KDM4A: variants seen among roughly 807,000 people sequenced by gnomAD.
KDM4A encodes lysine-specific demethylase 4A.
A neutral mutation model predicts 127.1 loss-of-function variants in KDM4A; 23 were observed. The ratio of observed to expected loss-of-function variants is 0.18; its 90% CI spans 0.13 to 0.26. KDM4A has a LOEUF of 0.26. KDM4A is among the 10% of genes least tolerant of loss of function. KDM4A has a pLI of 1.00. For synonymous variants in KDM4A, 443 were observed against 466.5 expected, an observed-to-expected ratio of 0.95 and a Z score of 0.65; for missense variants, 890 against 1,329.1, an observed-to-expected ratio of 0.67 and a Z score of 5.14.
intron 19 of KDM4A, among the ~76,000 whole-genome samples, chr1:43,701,587 C>T (rs1661395763): frequency 6.6e-6 from 1 of 152,134 alleles, no homozygotes. Flanking sequence ...CTCATCCTCC[C>T]GGCCTCAAGC....
intron 10 of KDM4A, among the ~76,000 whole-genome samples, chr1:43,670,895 G>T (rs1374524827): frequency 1.3e-5 from 2 of 152,098 alleles, no homozygotes; most frequent in Non-Finnish European, 2.9e-5. Context: ...TGTAGAGACA[G>T]AGTCTGACTT....
At chr1:43,703,881 C>T in intron 20 of KDM4A, 139 bp from the exon 21 acceptor site, 1 of 1,329,842 alleles carries the variant, frequency 7.5e-7, no homozygotes, top group Non-Finnish European at 1.1e-6. Flanking sequence ...TGTTTCCAGT[C>T]TGCCAAATGT....
intron 19 of KDM4A, 200 bp from the exon 20 acceptor site, chr1:43,703,417 C>A: frequency 4.4e-6 from 2 of 457,182 alleles, no homozygotes; most frequent in Non-Finnish European, 7.6e-6. Context: ...TTTTGGTCAC[C>A]TAGAAGCAGG....
intron 19 of KDM4A, 154 bp from the exon 20 acceptor site, chr1:43,703,463 A>C (rs1661459555): frequency 1.2e-6 from 1 of 841,702 alleles, no homozygotes; most frequent in African/African-American, 1.7e-5. Flanking sequence ...TGACTTAGCA[A>C]GGTCTTTAAC....
rs1557925476 is a variant in KDM4A at position 43,704,744 on chromosome 1, C to A, written c.*374C>A. 4.0e-6 allele frequency: 1 copy of A among 250,388 alleles called. No homozygotes were observed. The highest frequency in any genetic ancestry group is 1.0e-4 in the East Asian group (1 of 10,036). 15.5% of individuals were successfully genotyped at this position (250,388 alleles called of 1,614,324 possible). A position where few individuals can be genotyped will look rare whatever the true frequency, so the allele number is the denominator to read the frequency against. The stretch of plus-strand genomic sequence containing the variant: ...GACTAGGCTGAGGTGCTGGTACTTG[C>A]CCCAACCCCTACTTTTGTATTTATA... On this transcript the variant is annotated 3_prime_UTR_variant, in exon 22 of 22. Coordinates refer to ENST00000372396, the MANE Select transcript of KDM4A (RefSeq NM_014663.3).
In KDM4A at chr1:43,704,604, G is replaced by A; in HGVS notation, c.*234G>A. On this transcript the variant is annotated 3_prime_UTR_variant, in exon 22 of 22. Transcript: ENST00000372396. ...GCTGATCTCCCAGCTGAGGGGCTGAGCACTGGAATGCTGTGGCTGCACTGG... is the reference window on the plus strand; with the variant it reads ...GCTGATCTCCCAGCTGAGGGGCTGAACACTGGAATGCTGTGGCTGCACTGG... 1 of 517,306 alleles carries A rather than the reference G, an allele frequency of 1.9e-6. No individual in the cohort carries two copies. The highest frequency in any genetic ancestry group is 3.4e-6 in the Non-Finnish European group (1 of 291,374). The allele number at this position is 517,306 out of a possible 1,614,324, so 32.0% of individuals were successfully genotyped here.
Position 43,653,296 on chromosome 1 carries a change from C to T in KDM4A, c.121C>T (p.Arg41Trp), listed in dbSNP as rs757620957. The change falls in exon 2 of 22, where the codon CGG becomes TGG. Residue 41 changes from arginine to tryptophan, a missense_variant. By Grantham distance (101) the Arg-to-Trp change is moderately radical. Around this residue, in one of 7 missense-constraint regions of KDM4A, gnomAD observed 29 missense variants for 64.3 expected, o/e 0.45. Coordinates refer to ENST00000372396, the MANE Select transcript of KDM4A (RefSeq NM_014663.3). ...IAYIESQGAH[R>W]AGLAKVVPPK... The stretch of plus-strand genomic sequence containing the variant: ...CTACATTGAATCCCAAGGAGCTCAT[C>T]GGGCAGGGCTAGCCAAGGTAAGGAG... The T allele has an allele frequency of 2.0e-5, 32 of 1,612,290 alleles. No individual in the cohort carries two copies. Among genetic ancestry groups the T allele is most frequent in the South Asian group, 6.6e-5 (6 of 90,840 alleles).
intron 1 of KDM4A, among the ~76,000 whole-genome samples, chr1:43,651,406 C>G (rs1660110758): frequency 6.6e-6 from 1 of 152,154 alleles, no homozygotes; most frequent in Non-Finnish European, 1.5e-5. Context: ...AAAGTTTCTG[C>G]CAGGTTCATG....
At chr1:43,702,538 A>G (rs1661424833) in intron 19 of KDM4A, 1 of 152,118 alleles carries the variant, frequency 6.6e-6, no homozygotes, top group Non-Finnish European at 1.5e-5. Flanking sequence ...CCATGTCCCT[A>G]AGGACCTTCT....
At chr1:43,664,626 C>T (rs963756075) in intron 5 of KDM4A, among the ~76,000 whole-genome samples, 1 of 152,112 alleles carries the variant, frequency 6.6e-6, no homozygotes, top group African/African-American at 2.4e-5. Flanking sequence ...TTCAAGTGCT[C>T]TCCAGTTTCT....
At chr1:43,692,389 G>T in intron 16 of KDM4A, 78 bp downstream of exon 16, 2 of 1,234,398 alleles carry the variant, frequency 1.6e-6, no homozygotes, top group Admixed American at 3.5e-5. Context: ...GGTACTAGCT[G>T]TTCTTCTGAA....
intron 15 of KDM4A, 131 bp downstream of exon 15, chr1:43,691,703 G>A (rs1661116332): frequency 2.7e-6 from 2 of 752,278 alleles, no homozygotes; most frequent in Non-Finnish European, 4.6e-6. Flanking sequence ...GTCAGAGAGC[G>A]AGTATTGTGA....
chr1:43,696,115 A>G (rs1661233543), intron 18 of KDM4A, among the ~76,000 whole-genome samples: 1 of 152,196 alleles, frequency 6.6e-6, no homozygotes, highest in African/African-American at 2.4e-5. Context: ...TGGGCTCTGG[A>G]GATTCCCAGT....
chr1:43,663,751 G>C (rs1375927038), intron 5 of KDM4A, among the ~76,000 whole-genome samples: 1 of 151,952 alleles, frequency 6.6e-6, no homozygotes, highest in Non-Finnish European at 1.5e-5. Flanking sequence ...AGCCTCCCAG[G>C]TAGCTGGGTT....
At chr1:43,684,376 G>A (rs1218084586) in intron 12 of KDM4A, among the ~76,000 whole-genome samples, 1 of 152,144 alleles carries the variant, frequency 6.6e-6, no homozygotes, top group Admixed American at 6.5e-5. Context: ...CATGGCACGC[G>A]CCTGTAGTCC....
At chr1:43,678,553 A>G (rs919740842) in intron 11 of KDM4A, among the ~76,000 whole-genome samples, 4 of 148,328 alleles carry the variant, frequency 2.7e-5, no homozygotes, top group African/African-American at 9.9e-5. Context: ...GTGGGAGTGC[A>G]GGTGGAGGGA....
chr1:43,655,816 C>G (rs1475146508), intron 3 of KDM4A, 50 bp downstream of exon 3: 1 of 1,475,504 alleles, frequency 6.8e-7, no homozygotes. Context: ...ACCCTGGTGT[C>G]TCATCCTCCT....
At chr1:43,650,334 T>TGG (rs760208242) in intron 1 of KDM4A, 82 bp downstream of exon 1, 4 of 64,654 alleles carry the variant, frequency 6.2e-5, no homozygotes, top group Admixed American at 1.8e-4. Flanking sequence ...GGAGGGGCGG[T>TGG]GGGGGTGGGT....
intron 18 of KDM4A, among the ~76,000 whole-genome samples, chr1:43,696,769 G>A (rs1453719719): frequency 6.6e-6 from 1 of 152,248 alleles, no homozygotes; most frequent in Non-Finnish European, 1.5e-5. Context: ...TAAGCTGGCA[G>A]CTGTAGACTG....
Sources: allele counts gnomAD v4.1 joint callset (sites outside exome capture counted in the v4.1 genomes callset), GRCh38; gene constraint gnomAD v4.1.1; regional missense constraint gnomAD v4.1.1; transcripts MANE v1.5; gene names NCBI Gene and HGNC (gene_info 2026-07-23, HGNC 2026-07-21).